The following PHF6 variants were observed in gnomAD, a reference collection of about 807,000 sequenced individuals.
PHF6 encodes the protein PHD-like zinc finger protein.
Under a neutral mutation model 34.0 loss-of-function variants are expected in PHF6, and 7 were observed. That is an observed-to-expected ratio of 0.21 (90% CI 0.12 to 0.39). The LOEUF is 0.39. PHF6 is among the 10% of genes least tolerant of loss of function. PHF6 has a pLI of 1.00. For missense variants in PHF6, 128 were observed against 262.8 expected (o/e 0.49, Z 3.55); for synonymous variants, 89 against 88.4 (o/e 1.01, Z -0.04).
chrX:134,377,659 G>T lies in PHF6; in HGVS notation c.42G>T (p.Gln14His). Residue 14 changes from glutamine to histidine, a missense_variant, in exon 2 of 11, where the codon CAG becomes CAT. Coordinates refer to ENST00000370803, the MANE Select transcript of PHF6 (RefSeq NM_001015877.2). The stretch of plus-strand genomic sequence containing the variant: ...AACAGAAAAAAGGGCCTACAAGACA[G>T]CGCAAATGTGGCTTTTGTAAGTCAA... ...SVEQKKGPTR[Q>H]RKCGFCKSNR... 8.3e-7 allele frequency: 1 copy of T among 1,210,732 alleles called. No homozygotes were observed. Among genetic ancestry groups the T allele is most frequent in the Non-Finnish European group, 1.1e-6 (1 of 894,843 alleles).
At chrX:134,405,277 A>C (rs915073672) in intron 5 of PHF6, among the ~76,000 whole-genome samples, 2 of 111,013 alleles carry the variant, frequency 1.8e-5, no homozygotes, top group Non-Finnish European at 3.8e-5. Context: ...ATCTCGGCTC[A>C]CTGCAGCCTC....
intron 3 of PHF6, among the ~76,000 whole-genome samples, chrX:134,382,566 CTTT>C (rs377670545): frequency 4.7e-5 from 4 of 84,633 alleles, no homozygotes; most frequent in Non-Finnish European, 4.6e-5. Flanking sequence ...AGCTATTCTT[CTTT>C]TTTTTTTTTT....
Position 134,428,674 on chromosome X carries a change from T to C in PHF6, c.*3014T>C, listed in dbSNP as rs1174622626. The C allele has an allele frequency of 6.9e-6, 1 of 144,715 alleles. No individual in the cohort carries two copies. Among genetic ancestry groups the C allele is most frequent in the Non-Finnish European group, 1.4e-5 (1 of 72,511 alleles). The allele number at this position is 144,715 out of a possible 1,213,427, so 11.9% of individuals were successfully genotyped here. ...AATCAAACATTCCTCTCATGTTATG[T>C]ATATTTTGTTCCTGTTATATTGGCT... On this transcript the variant is annotated 3_prime_UTR_variant, in exon 11 of 11. Coordinates refer to ENST00000370803, the MANE Select transcript of PHF6 (RefSeq NM_001015877.2).
chrX:134,424,661 G>C (rs1230974187), intron 9 of PHF6, among the ~76,000 whole-genome samples: 1 of 112,022 alleles, frequency 8.9e-6, no homozygotes, highest in Non-Finnish European at 1.9e-5. Context: ...GATTAAAAGA[G>C]ACATAGCCAA....
At chrX:134,402,382 T>A (rs1420207112) in intron 5 of PHF6, among the ~76,000 whole-genome samples, 6 of 112,038 alleles carry the variant, frequency 5.4e-5, no homozygotes. Flanking sequence ...TTGAGTAGCA[T>A]TGAATAGACT....
intron 1 of PHF6, among the ~76,000 whole-genome samples, chrX:134,376,512 T>C (rs188135010): frequency 2.3e-4 from 26 of 111,904 alleles, no homozygotes; most frequent in African/African-American, 7.8e-4. Flanking sequence ...GATCTAAATC[T>C]GAAACCTTTC....
intron 3 of PHF6, among the ~76,000 whole-genome samples, chrX:134,392,365 G>A (rs1162500532): frequency 8.9e-6 from 1 of 111,855 alleles, no homozygotes; most frequent in Non-Finnish European, 1.9e-5. Context: ...CAGTTAAATG[G>A]CCTCATTATA....
chrX:134,391,135 T>C (rs1455618416), intron 3 of PHF6, among the ~76,000 whole-genome samples: 1 of 109,469 alleles, frequency 9.1e-6, no homozygotes, highest in African/African-American at 3.3e-5. Context: ...CCACCACACC[T>C]GGCTAGTTTT....
At chrX:134,416,282 T>A (rs2077472276) in intron 8 of PHF6, among the ~76,000 whole-genome samples, 1 of 111,579 alleles carries the variant, frequency 9.0e-6, no homozygotes, top group African/African-American at 3.3e-5. Flanking sequence ...ACAGAGCCTG[T>A]AGTACTGAAA....
intron 5 of PHF6, among the ~76,000 whole-genome samples, chrX:134,399,833 T>G (rs1227085973): frequency 9.0e-6 from 1 of 111,216 alleles, no homozygotes; most frequent in Admixed American, 9.6e-5. Flanking sequence ...GTGTGGTACA[T>G]GCTATGGGTT....
intron 3 of PHF6, among the ~76,000 whole-genome samples, chrX:134,380,430 G>A (rs189805337): frequency 3.6e-5 from 4 of 111,324 alleles, no homozygotes; most frequent in African/African-American, 1.3e-4. Flanking sequence ...CACCGCGCCC[G>A]GCCTTGGACC....
chrX:134,376,110 A>G (rs915454106), intron 1 of PHF6, among the ~76,000 whole-genome samples: 19 of 112,030 alleles, frequency 1.7e-4, no homozygotes. Context: ...CTAGACATAA[A>G]TGGATGAGAA....
chrX:134,381,684 G>A (rs886294575), intron 3 of PHF6, among the ~76,000 whole-genome samples: 1 of 109,734 alleles, frequency 9.1e-6, no homozygotes, highest in African/African-American at 3.3e-5. Context: ...TAGTAGAGAC[G>A]GGGTTTCACC....
In PHF6 at chrX:134,400,442, C is replaced by A. The variant is rs149517296; in HGVS notation, c.418+6490C>A. Among the ~76,000 whole-genome samples, 326 of 99,960 alleles carry A rather than the reference C, an allele frequency of 3.3e-3. 2 individuals are homozygous for A. Among genetic ancestry groups the A allele is most frequent in the Non-Finnish European group, 4.2e-3 (212 of 50,105 alleles). The allele number at this position is 99,960 out of a possible 115,157, so 86.8% of individuals were successfully genotyped here. A position where few individuals can be genotyped will look rare whatever the true frequency, so the allele number is the denominator to read the frequency against. The stretch of plus-strand genomic sequence containing the variant: ...GAGGAGAATTAATTGATACATAGAC[C>A]CCTTAAGAGAAGGGATGCTATGGGC... On this transcript the variant is annotated intron_variant, in intron 5 of 10. Coordinates refer to ENST00000370803, the MANE Select transcript of PHF6 (RefSeq NM_001015877.2).
At chrX:134,394,011 G>C (rs764442818) in intron 5 of PHF6, 59 bp downstream of exon 5, 1 of 1,011,155 alleles carries the variant, frequency 9.9e-7, no homozygotes, top group Non-Finnish European at 1.4e-6. Context: ...TTTGAGTACA[G>C]ATTAGTGAAT....
At chrX:134,425,170 A>G in intron 9 of PHF6, 31 bp from the exon 10 acceptor site, 1 of 1,206,705 alleles carries the variant, frequency 8.3e-7, no homozygotes, top group Non-Finnish European at 1.1e-6. Context: ...GTGACAAAGC[A>G]TTTTGAGATT....
chrX:134,387,075 A>AT lies in PHF6; in HGVS notation c.241-6418dup, dbSNP rs377766258. On this transcript the variant is annotated intron_variant, in intron 3 of 10. Transcript: ENST00000370803. ...TTGTGAATGTATTCATATAAATGTGATTTTTTTTAAAAGCTCCAGTTATGG... is the reference window on the plus strand; with the variant it reads ...TTGTGAATGTATTCATATAAATGTGATTTTTTTTTAAAAGCTCCAGTTATGG... Among the ~76,000 whole-genome samples the AT allele has an allele frequency of 7.3e-3, 806 of 110,801 alleles. 5 individuals carry two copies. The highest frequency in any genetic ancestry group is 0.025 in the African/African-American group (767 of 30,506).
chrX:134,391,319 G>C (rs1191815009), intron 3 of PHF6, among the ~76,000 whole-genome samples: 2 of 111,893 alleles, frequency 1.8e-5, no homozygotes, highest in Non-Finnish European at 3.8e-5. Context: ...ATTTTAGACT[G>C]TTCTAAATAA....
intron 7 of PHF6, among the ~76,000 whole-genome samples, chrX:134,414,568 G>A (rs1179034486): frequency 1.8e-5 from 2 of 109,626 alleles, no homozygotes; most frequent in African/African-American, 6.6e-5. Context: ...GTGCATGTCA[G>A]ATTTACCTGG....
Sources: gnomAD v4.1 joint callset for allele counts (sites outside exome capture counted in the v4.1 genomes callset) on GRCh38, gnomAD v4.1.1 for gene constraint, MANE v1.5 for transcripts, NCBI Gene and HGNC (gene_info 2026-07-23, HGNC 2026-07-21) for gene names.